MGAT5: variants seen among roughly 807,000 people sequenced by gnomAD.
The protein encoded by MGAT5 is alpha-1,6-mannosylglycoprotein 6-beta-N-acetylglucosaminyltransferase, also known as alpha-1,6-mannosylglycoprotein 6-beta-N-acetylglucosaminyltransferase A.
A neutral mutation model predicts 94.3 loss-of-function variants in MGAT5; 30 were observed. That is an observed-to-expected ratio of 0.32 (90% CI 0.24 to 0.43). The LOEUF is 0.43. MGAT5 is among the 20% of genes least tolerant of loss of function. The pLI is 1.00. For missense variants in MGAT5, 691 were observed against 905.5 expected (o/e 0.76, Z 3.04); for synonymous variants, 310 against 322.9 (o/e 0.96, Z 0.43).
At chr2:134,410,029 G>A (rs2118844) in intron 11 of MGAT5, among the ~76,000 whole-genome samples, 38,639 of 152,160 alleles carry the variant, frequency 0.25, 5,674 homozygotes, top group South Asian at 0.47. Context: ...GCAAGGTGAA[G>A]TATAAGTAAA....
rs113348718 is a variant in MGAT5 at position 134,381,536 on chromosome 2, C to T, written c.1380+19128C>T. ...CCAGACAGACAGACAGACAGACAGA[C>T]AGATAGATAGATAGATAGATAGCAC... On this transcript the variant is annotated intron_variant, in intron 10 of 15. Coordinates refer to ENST00000281923, the MANE Select transcript of MGAT5 (RefSeq NM_002410.5). 1.9e-3 allele frequency among the ~76,000 whole-genome samples: 278 copies of T among 146,952 alleles called. 2 individuals carry two copies. The highest frequency in any genetic ancestry group is 7.7e-3 in the South Asian group (34 of 4,402).
At chr2:134,151,531 A>G (rs1315654870) in intron 1 of MGAT5, among the ~76,000 whole-genome samples, 3 of 123,494 alleles carry the variant, frequency 2.4e-5, no homozygotes, top group Non-Finnish European at 5.0e-5. Flanking sequence ...CTGCCATGGG[A>G]CCTCACTCAC....
chr2:134,339,226 T>C (rs949428236), intron 6 of MGAT5, among the ~76,000 whole-genome samples: 3 of 152,134 alleles, frequency 2.0e-5, no homozygotes, highest in Non-Finnish European at 4.4e-5. Context: ...CACCAAATGG[T>C]TGTGTATGGA....
intron 2 of MGAT5, among the ~76,000 whole-genome samples, chr2:134,276,033 C>T (rs1444859210): frequency 6.6e-6 from 1 of 152,120 alleles, no homozygotes; most frequent in Non-Finnish European, 1.5e-5. Flanking sequence ...CTGTTAGAAT[C>T]TGGTGCCAGC....
Position 134,362,422 on chromosome 2 carries a change from T to A in MGAT5, c.1380+14T>A. 6.2e-7 allele frequency: 1 copy of A among 1,608,524 alleles called. No individual in the cohort carries two copies. The highest frequency in any genetic ancestry group is 1.3e-5 in the African/African-American group (1 of 74,746). ...AGCTTCTGGAAGGTGAGTCAGTCTG[T>A]GCGTGTCTCTCTCTCTGAAAAGAAG... On this transcript the variant is annotated intron_variant, in intron 10 of 15. Transcript: ENST00000281923.
At chr2:134,328,814 CAG>C (rs1269693361) in intron 4 of MGAT5, among the ~76,000 whole-genome samples, 1 of 151,842 alleles carries the variant, frequency 6.6e-6, no homozygotes, top group Non-Finnish European at 1.5e-5. Flanking sequence ...AGGGAGGATG[CAG>C]AGTGGCCAGG....
intron 1 of MGAT5, among the ~76,000 whole-genome samples, chr2:134,213,582 G>GT (rs1680315492): frequency 6.6e-6 from 1 of 152,160 alleles, no homozygotes; most frequent in East Asian, 1.9e-4. Context: ...CCAGTCACAA[G>GT]TCCCATGTTG....
intron 4 of MGAT5, chr2:134,319,614 A>G (rs876887): frequency 0.67 from 145,890 of 219,322 alleles, 50,284 homozygotes; most frequent in Admixed American, 0.74. Flanking sequence ...GGAAGTATGG[A>G]ATACTCTACC....
chr2:134,453,023 T>C lies in MGAT5; in HGVS notation c.*4176T>C, dbSNP rs971632154. ...CAGAAAAAAATTACCCTAGCTTTCT[T>C]AGCACTTAGGGTTTTGTGAGGATTC... On this transcript the variant is annotated 3_prime_UTR_variant, in exon 16 of 16. Coordinates refer to ENST00000281923, the MANE Select transcript of MGAT5 (RefSeq NM_002410.5). The C allele has an allele frequency of 2.0e-5, 3 of 152,248 alleles. No individual in the cohort carries two copies. Among genetic ancestry groups the C allele is most frequent in the Non-Finnish European group, 2.9e-5 (2 of 68,042 alleles). The allele number at this position is 152,248 out of a possible 1,614,324, so 9.4% of individuals were successfully genotyped here.
chr2:134,185,023 T>C (rs1688934635), intron 1 of MGAT5, among the ~76,000 whole-genome samples: 1 of 152,124 alleles, frequency 6.6e-6, no homozygotes, highest in African/African-American at 2.4e-5. Flanking sequence ...ATATGCCAAG[T>C]GAAGTAACTC....
At chr2:134,447,656 C>T (rs531778279) in intron 15 of MGAT5, among the ~76,000 whole-genome samples, 12 of 152,202 alleles carry the variant, frequency 7.9e-5, no homozygotes, top group Non-Finnish European at 1.6e-4. Context: ...CAGGTGAGGC[C>T]GCTGCCTCCT....
chr2:134,251,281 G>T (rs1682574353), upstream of MGAT5, among the ~76,000 whole-genome samples: 1 of 152,100 alleles, frequency 6.6e-6, no homozygotes, highest in South Asian at 2.1e-4. Flanking sequence ...TTCTGATGGG[G>T]TGGAAACTCC....
chr2:134,177,083 C>G (rs1688500767), intron 1 of MGAT5, among the ~76,000 whole-genome samples: 1 of 140,184 alleles, frequency 7.1e-6, no homozygotes, highest in Non-Finnish European at 1.5e-5. Context: ...GACCAGATAT[C>G]TGACCCACTC....
intron 1 of MGAT5, among the ~76,000 whole-genome samples, chr2:134,174,876 C>T (rs1688385124): frequency 1.3e-5 from 2 of 152,230 alleles, no homozygotes; most frequent in East Asian, 3.8e-4. Flanking sequence ...GGAATGTTGT[C>T]ACCTCTTCTG....
At chr2:134,349,319 G>A (rs1286716191) in intron 8 of MGAT5, among the ~76,000 whole-genome samples, 1 of 152,186 alleles carries the variant, frequency 6.6e-6, no homozygotes, top group Middle Eastern at 3.2e-3. Flanking sequence ...TAAGCTTAAT[G>A]TAAAGTCAAA....
chr2:134,231,281 G>T (rs1199939872), intron 1 of MGAT5: 2 of 152,208 alleles, frequency 1.3e-5, no homozygotes, highest in Non-Finnish European at 2.9e-5. Flanking sequence ...ACTTATATGG[G>T]AGAAAAGTTA....
At chr2:134,392,448 G>T (rs1012167211) in intron 10 of MGAT5, among the ~76,000 whole-genome samples, 14 of 152,240 alleles carry the variant, frequency 9.2e-5, no homozygotes, top group African/African-American at 3.4e-4. Flanking sequence ...CCTTTAAAGG[G>T]ACCTTACGCT....
intron 10 of MGAT5, among the ~76,000 whole-genome samples, chr2:134,382,066 G>A (rs1271984508): frequency 6.6e-6 from 1 of 152,098 alleles, no homozygotes; most frequent in Non-Finnish European, 1.5e-5. Context: ...CCAAGCTGTT[G>A]CTCTTTGGAA....
chr2:134,317,437 TG>T, intron 2 of MGAT5, 91 bp from the exon 3 acceptor site: 2 of 843,478 alleles, frequency 2.4e-6, no homozygotes, highest in Non-Finnish European at 3.5e-6. Context: ...CTTTCTTTTT[TG>T]GTTTCTCTCC....
Sources: allele counts gnomAD v4.1 joint callset (sites outside exome capture counted in the v4.1 genomes callset), GRCh38; gene constraint gnomAD v4.1.1; transcripts MANE v1.5; gene names NCBI Gene and HGNC (gene_info 2026-07-23, HGNC 2026-07-21).